Variants in MTFR1 observed in about 807,000 individuals in gnomAD.
MTFR1 encodes the protein mitochondrial fission regulator 1.
In MTFR1, 28 loss-of-function variants were observed where a neutral mutation model predicts 38.8. The observed-to-expected ratio is 0.72, with a 90% CI of 0.53 to 0.99. The LOEUF (loss-of-function observed/expected upper bound fraction) is 0.99. MTFR1 is among the 50% of genes least tolerant of loss of function. The probability of loss-of-function intolerance (pLI) is 0.00; values close to 1 mark genes in which losing one functional copy is unlikely to be tolerated. For missense variants in MTFR1, 358 were observed against 395.5 expected, an observed-to-expected ratio of 0.91 and a Z score of 0.81; for synonymous variants, 145 against 137.0, an observed-to-expected ratio of 1.06 and a Z score of -0.41.
chr8:65,664,936 T>A (rs868509780), intron 1 of MTFR1, among the ~76,000 whole-genome samples: 5,468 of 146,436 alleles, frequency 0.037, 140 homozygotes, highest in Non-Finnish European at 0.058. Flanking sequence ...AAAAAAAATT[T>A]TTTTTTTTTT....
chr8:65,712,291 G>A (rs1267506642), downstream of MTFR1, among the ~76,000 whole-genome samples: 1 of 152,134 alleles, frequency 6.6e-6, no homozygotes, highest in Non-Finnish European at 1.5e-5. Context: ...CTGACCGCGG[G>A]GGCTGAGCTG....
chr8:65,646,994 G>A (rs67202221), intron 1 of MTFR1, among the ~76,000 whole-genome samples: 30,740 of 152,196 alleles, frequency 0.2, 3,246 homozygotes, highest in Middle Eastern at 0.23. Context: ...CTGGATAGGA[G>A]TAATTCAGAA....
rs186980589 is a variant in MTFR1 at position 65,740,464 on chromosome 8, G to A, written c.*48+20983G>A. Among the ~76,000 whole-genome samples the A allele has an allele frequency of 7.2e-3, 1,093 of 151,984 alleles. 6 individuals are homozygous for A. The highest frequency in any genetic ancestry group is 0.025 in the African/African-American group (1,039 of 41,442). On this transcript the variant is annotated intron_variant, in intron 3 of 3. Transcript: ENST00000521247. The stretch of plus-strand genomic sequence containing the variant: ...CACCTGGGCTGGAGTACAATGGTGC[G>A]ATCTTGGCTCACTGCAACCTCCACC...
downstream of MTFR1, among the ~76,000 whole-genome samples, chr8:65,711,434 T>C (rs1189910135): frequency 2.0e-5 from 3 of 152,228 alleles, no homozygotes; most frequent in South Asian, 4.1e-4. Flanking sequence ...CTCTGTGGGA[T>C]AGAATCTGGC....
chr8:65,671,106 A>G (rs1408008231), intron 2 of MTFR1, among the ~76,000 whole-genome samples: 1 of 152,260 alleles, frequency 6.6e-6, no homozygotes, highest in Non-Finnish European at 1.5e-5. Context: ...TAAAAAGTAG[A>G]GAACCAAATA....
At chr8:65,661,778 A>C (rs373880398) in intron 1 of MTFR1, among the ~76,000 whole-genome samples, 1 of 152,148 alleles carries the variant, frequency 6.6e-6, no homozygotes, top group South Asian at 2.1e-4. Flanking sequence ...AGCCTGGCCA[A>C]CATGGCAAAA....
chr8:65,645,730 T>C (rs1162445619), intron 1 of MTFR1, among the ~76,000 whole-genome samples: 1 of 140,022 alleles, frequency 7.1e-6, no homozygotes, highest in African/African-American at 2.6e-5. Context: ...GGTCTCCTTA[T>C]GTTGCTCAGG....
At chr8:65,771,905 A>AAAG (rs1195303968), downstream of MTFR1, among the ~76,000 whole-genome samples, 251 of 145,436 alleles carry the variant, frequency 1.7e-3, 3 homozygotes, top group African/African-American at 5.5e-3. Flanking sequence ...AAAAAAAAAA[A>AAAG]AAGAAGAAGA....
rs148102858 is a variant in MTFR1 at position 65,677,338 on chromosome 8, G to A, written c.67-5015G>A. ...ACCCGCCTCGGCCTTCCAAAGTGCT[G>A]GGATTACAGGCATGAACCACTGCGC... On this transcript the variant is annotated intron_variant, in intron 2 of 7. Transcript: ENST00000262146. Among the ~76,000 whole-genome samples the A allele has an allele frequency of 1.7e-4, 26 of 150,716 alleles. No homozygotes were observed. The East Asian group carries it at 5.1e-3, about 30-fold the overall frequency.
chr8:65,658,781 T>G (rs993334219), intron 1 of MTFR1, among the ~76,000 whole-genome samples: 1 of 152,104 alleles, frequency 6.6e-6, no homozygotes, highest in African/African-American at 2.4e-5. Flanking sequence ...AAAGCAAATA[T>G]CCATGTAATG....
At position 65,767,878 on chromosome 8, in the gene MTFR1, A is replaced by C. The variant is rs184288400; in HGVS notation, c.*49-3069A>C. Among the ~76,000 whole-genome samples, 937 of 152,284 alleles carry C rather than the reference A, an allele frequency of 6.2e-3. 3 individuals are homozygous for C. Among genetic ancestry groups the C allele is most frequent in the Non-Finnish European group, 0.011 (722 of 68,004 alleles). On this transcript the variant is annotated intron_variant, in intron 3 of 3. Coordinates refer to the MTFR1 transcript ENST00000521247. ...GTGAGCTGCTCCAGCAAATTAATCC[A>C]ACCCAAAAAGAGGGTCCTGGGAACC...
At chr8:65,728,998 G>C (rs904878219) in intron 3 of MTFR1, among the ~76,000 whole-genome samples, 2 of 151,458 alleles carry the variant, frequency 1.3e-5, no homozygotes, top group Admixed American at 1.3e-4. Context: ...TAACATTTCT[G>C]CTTGTAAAAA....
chr8:65,730,047 G>A (rs1443736975), intron 3 of MTFR1, among the ~76,000 whole-genome samples: 1 of 152,022 alleles, frequency 6.6e-6, no homozygotes, highest in African/African-American at 2.4e-5. Flanking sequence ...CAGGTGCACA[G>A]CAGGAGGTGA....
chr8:65,722,808 G>C (rs1016198029), intron 3 of MTFR1: 10 of 152,224 alleles, frequency 6.6e-5, no homozygotes, highest in African/African-American at 1.9e-4. Context: ...AAGTGGATCA[G>C]GCACTTTGGA....
At chr8:65,646,997 A>ATTCAGAAG (rs1392932396) in intron 1 of MTFR1, among the ~76,000 whole-genome samples, 9 of 152,226 alleles carry the variant, frequency 5.9e-5, no homozygotes, top group Non-Finnish European at 1.3e-4. Context: ...GATAGGAGTA[A>ATTCAGAAG]TTCAGAAGTC....
intron 3 of MTFR1, chr8:65,719,599 C>A (rs1186386432): frequency 1.4e-6 from 1 of 726,416 alleles, no homozygotes; most frequent in Non-Finnish European, 2.4e-6. Context: ...TCCAGTATTA[C>A]CCAGATCTTA....
At chr8:65,715,379 G>T (rs1030242145), downstream of MTFR1, among the ~76,000 whole-genome samples, 6 of 133,386 alleles carry the variant, frequency 4.5e-5, no homozygotes, top group Non-Finnish European at 8.2e-5. Context: ...CTATAAAAAA[G>T]TTTTTTTTTT....
intron 1 of MTFR1, among the ~76,000 whole-genome samples, chr8:65,653,386 C>A (rs995551550): frequency 2.0e-5 from 3 of 152,058 alleles, no homozygotes; most frequent in African/African-American, 7.2e-5. Flanking sequence ...GTGGTCTGCA[C>A]CTGTAATCCC....
intron 3 of MTFR1, chr8:65,689,419 A>T (rs1390810336): frequency 5.2e-5 from 17 of 325,826 alleles, no homozygotes; most frequent in Non-Finnish European, 9.0e-5. Flanking sequence ...AATATTTTAA[A>T]TTAAAGTTGC....
Sources: allele counts gnomAD v4.1 joint callset (sites outside exome capture counted in the v4.1 genomes callset), GRCh38; gene constraint gnomAD v4.1.1; transcripts MANE v1.5; gene names NCBI Gene and HGNC (gene_info 2026-07-23, HGNC 2026-07-21).